ZNF254: variants seen among roughly 807,000 people sequenced by gnomAD.
ZNF254 encodes zinc finger protein 254, also known as CTD-2017D11.1.
In ZNF254, 10 loss-of-function variants were observed where a neutral mutation model predicts 12.4. That is an observed-to-expected ratio of 0.80 (90% CI 0.50 to 1.36). The LOEUF (loss-of-function observed/expected upper bound fraction) is 1.36. Among genes scored for constraint, ZNF254 ranks in the 40% most tolerant of loss-of-function variants. The probability of loss-of-function intolerance (pLI) is 0.00; values close to 1 mark genes in which losing one functional copy is unlikely to be tolerated. For synonymous variants in ZNF254, 305 were observed against 253.4 expected (o/e 1.20, Z -1.93); for missense variants, 996 against 763.9 (o/e 1.30, Z -3.58).
In ZNF254 at chr19:24,106,556, G is replaced by C; in HGVS notation, c.166G>C (p.Val56Leu). The C allele has an allele frequency of 6.3e-7, 1 of 1,579,658 alleles. No individual in the cohort carries two copies. The highest frequency in any genetic ancestry group is 8.6e-7 in the Non-Finnish European group (1 of 1,160,662). ...YRNLAFLGIA[V>L]SKPDLITCLE... ...TATTTTTAATAAAACAGGTATTGCT[G>C]TCTCTAAGCCAGACCTGATCACCTG... is the stretch of plus-strand genomic sequence containing the variant. Residue 56 changes from valine to leucine, a missense_variant, in exon 3 of 4, where the codon GTC becomes CTC. By Grantham distance (32) the Val-to-Leu change is conservative. Coordinates refer to ENST00000357002, the MANE Select transcript of ZNF254 (RefSeq NM_203282.4).
intron 1 of ZNF254, among the ~76,000 whole-genome samples, chr19:24,038,081 G>A (rs1344393566): frequency 6.6e-6 from 1 of 152,160 alleles, no homozygotes; most frequent in Non-Finnish European, 1.5e-5. Flanking sequence ...CTGCCTACTT[G>A]AAATAGATAC....
rs1975103975 is a variant in ZNF254 at position 24,129,549 on chromosome 19, AT to A, written c.*1572del. ...GTTAAATTTTTATTCTTATTTTCAC[AT>A]TTAAATTTATTTTTCTTAATTTTTG... On this transcript the variant is annotated 3_prime_UTR_variant, in exon 4 of 4. Coordinates refer to ENST00000357002, the MANE Select transcript of ZNF254 (RefSeq NM_203282.4). 1 of 151,920 alleles carries A rather than the reference AT, an allele frequency of 6.6e-6. No individual in the cohort carries two copies. Among genetic ancestry groups the A allele is most frequent in the Non-Finnish European group, 1.5e-5 (1 of 67,918 alleles). The allele number at this position is 151,920 out of a possible 1,614,324, so 9.4% of individuals were successfully genotyped here.
intron 3 of ZNF254, among the ~76,000 whole-genome samples, chr19:24,123,460 C>T (rs1442323902): frequency 1.3e-5 from 2 of 152,126 alleles, no homozygotes; most frequent in East Asian, 3.8e-4. Flanking sequence ...CCCTTATTAA[C>T]ATTCTTTCTT....
At chr19:24,085,427 A>ATATATATATATATATAT (rs1369362234), upstream of ZNF254, among the ~76,000 whole-genome samples, 783 of 42,336 alleles carry the variant, frequency 0.018, 61 homozygotes, top group Admixed American at 0.057. Flanking sequence ...TATATATATA[A>ATATATATATATATATAT]AAACTAAGAT....
intron 2 of ZNF254, chr19:24,066,854 T>C (rs112827730): frequency 0.13 from 19,749 of 151,900 alleles, 1,535 homozygotes; most frequent in Middle Eastern, 0.22. Flanking sequence ...GAGCTGAGAT[T>C]GCACCACTGC....
intron 2 of ZNF254, among the ~76,000 whole-genome samples, chr19:24,061,917 CT>C (rs1224978903): frequency 1.3e-5 from 2 of 151,964 alleles, no homozygotes; most frequent in Non-Finnish European, 2.9e-5. Context: ...AACCCTGTCT[CT>C]ACTAAAAATA....
upstream of ZNF254, among the ~76,000 whole-genome samples, chr19:24,085,467 G>C (rs766785135): frequency 2.8e-4 from 28 of 101,216 alleles, no homozygotes; most frequent in Non-Finnish European, 4.6e-4. Flanking sequence ...TTTTTATAGA[G>C]AGTGTATAAA....
chr19:24,077,329 G>T (rs1263366395), intron 2 of ZNF254, among the ~76,000 whole-genome samples: 1 of 152,128 alleles, frequency 6.6e-6, no homozygotes, highest in East Asian at 1.9e-4. Flanking sequence ...GACCTCCTGA[G>T]GCTGTGTCAC....
At chr19:24,124,715 T>C (rs907897815) in intron 3 of ZNF254, among the ~76,000 whole-genome samples, 3 of 152,088 alleles carry the variant, frequency 2.0e-5, no homozygotes, top group Admixed American at 6.6e-5. Flanking sequence ...TTGTTAACAG[T>C]TCACTGACTA....
chr19:24,059,406 T>C (rs1216517384), intron 2 of ZNF254, among the ~76,000 whole-genome samples: 2 of 152,222 alleles, frequency 1.3e-5, no homozygotes, highest in Non-Finnish European at 2.9e-5. Context: ...ACAGGTGTGA[T>C]TGTGACACAC....
chr19:24,083,624 A>T (rs542569865), upstream of ZNF254, among the ~76,000 whole-genome samples: 5 of 152,224 alleles, frequency 3.3e-5, no homozygotes, highest in Non-Finnish European at 5.9e-5. Flanking sequence ...GGCAAAGCGT[A>T]GATGACCAAG....
In ZNF254 at chr19:24,127,023, G is replaced by C. The variant is rs761982389; in HGVS notation, c.1023G>C (p.Lys341Asn). Residue 341 changes from lysine (K) to asparagine (N), a missense_variant, in exon 4 of 4, where the codon AAG becomes AAC. Transcript: ENST00000357002. ...GGTCCTCAACACTAACTAGACATAA[G>C]AGGATGCACACTGGAGAGAAACCCT... ...FIWSSTLTRHKRMHTGEKPYK... is the reference protein window; with the variant it reads ...FIWSSTLTRHNRMHTGEKPYK... 6.2e-7 allele frequency: 1 copy of C among 1,613,548 alleles called. No homozygotes were observed. The highest frequency in any genetic ancestry group is 8.5e-7 in the Non-Finnish European group (1 of 1,179,822).
chr19:24,113,326 A>T (rs1421207834), intron 3 of ZNF254, among the ~76,000 whole-genome samples: 3 of 152,218 alleles, frequency 2.0e-5, no homozygotes, highest in Non-Finnish European at 4.4e-5. Flanking sequence ...CAAAAAGCTT[A>T]TCCACCATGA....
chr19:24,087,423 C>A lies in ZNF254; in HGVS notation c.30+86C>A, dbSNP rs1204514088. ...GCGGCTGTGGCGGGACTCAGGCCTC[C>A]CCCCAGTCAGCTCCACAATCTGCGC... On this transcript the variant is annotated intron_variant, in intron 1 of 3. Coordinates refer to ENST00000357002, the MANE Select transcript of ZNF254 (RefSeq NM_203282.4). The A allele has an allele frequency of 3.2e-6, 5 of 1,557,232 alleles. No homozygotes were observed. The African/African-American group carries it at 5.4e-5, about 17-fold the overall frequency.
chr19:24,106,526 T>G, intron 2 of ZNF254, 22 bp from the exon 3 acceptor site: 1 of 1,550,382 alleles, frequency 6.5e-7, no homozygotes, highest in Non-Finnish European at 8.8e-7. Flanking sequence ...CAAGATTCAT[T>G]TAGTTATTTT....
chr19:24,086,099 C>T (rs191179122), upstream of ZNF254, among the ~76,000 whole-genome samples: 2 of 151,208 alleles, frequency 1.3e-5, no homozygotes, highest in Admixed American at 1.3e-4. Flanking sequence ...CCCAGCTACT[C>T]GGGAGGCTGA....
chr19:24,057,646 C>T (rs1329739949), intron 2 of ZNF254, among the ~76,000 whole-genome samples: 4 of 152,212 alleles, frequency 2.6e-5, no homozygotes, highest in African/African-American at 9.6e-5. Context: ...TGTTCTGAAT[C>T]TCATATCCAG....
At chr19:24,112,664 A>G (rs1973762183) in intron 3 of ZNF254, among the ~76,000 whole-genome samples, 1 of 152,036 alleles carries the variant, frequency 6.6e-6, no homozygotes, top group Non-Finnish European at 1.5e-5. Flanking sequence ...GAGGTCCTCC[A>G]CATCCCTTGT....
chr19:24,127,882 C>T lies in ZNF254; in HGVS notation c.1882C>T (p.Gln628Ter), dbSNP rs865841044. The stretch of plus-strand genomic sequence containing the variant: ...ACATAAGAGAATTCATACTGGAGAG[C>T]AACCCTACAAATGGGAAAAATTTGG... ...TKHKRIHTGE[Q>*]PYKWEKFGKA... The change falls in exon 4 of 4, where the codon CAA (glutamine) becomes TAA (stop). Residue 628 changes from glutamine (Q) to a stop codon, truncating the protein, a stop_gained. Coordinates refer to ENST00000357002, the MANE Select transcript of ZNF254 (RefSeq NM_203282.4). LOFTEE classifies it low-confidence loss of function (END_TRUNC). 5.6e-6 allele frequency: 9 copies of T among 1,612,566 alleles called. No individual in the cohort carries two copies. The highest frequency in any genetic ancestry group is 4.5e-5 in the East Asian group (2 of 44,824).
Sources: gnomAD v4.1 joint callset for allele counts (sites outside exome capture counted in the v4.1 genomes callset) on GRCh38, gnomAD v4.1.1 for gene constraint, MANE v1.5 for transcripts, NCBI Gene and HGNC (gene_info 2026-07-23, HGNC 2026-07-21) for gene names.